The following UNC13A variants were observed in gnomAD, a reference collection of about 807,000 sequenced individuals.
UNC13A encodes the protein protein unc-13 homolog A.
In UNC13A, 61 loss-of-function variants were observed where a neutral mutation model predicts 219.7. That is an observed-to-expected ratio of 0.28 (90% CI 0.23 to 0.34). The LOEUF (loss-of-function observed/expected upper bound fraction) is 0.34. Ranked by LOEUF, UNC13A falls within the 10% of genes least tolerant of loss-of-function variation. The pLI is 1.00. For missense variants in UNC13A, 1,476 were observed against 2,270.3 expected, an observed-to-expected ratio of 0.65 and a Z score of 7.11; for synonymous variants, 920 against 884.6, an observed-to-expected ratio of 1.04 and a Z score of -0.71.
In UNC13A at chr19:17,602,877, T is replaced by C. The variant is rs1421807023; in HGVS notation, c.*3177A>G. 6.6e-6 allele frequency: 1 copy of C among 152,294 alleles called. No homozygotes were observed. Among genetic ancestry groups the C allele is most frequent in the African/African-American group, 2.4e-5 (1 of 41,440 alleles). The allele number at this position is 152,294 out of a possible 1,614,324, so 9.4% of individuals were successfully genotyped here. A position where few individuals can be genotyped will look rare whatever the true frequency, so the allele number is the denominator to read the frequency against. ...GCGTAGACTCCCTGTCACCCACTTG[T>C]GCCCAGCCTGTGCTAGGTAAAGTTG... On this transcript the variant is annotated 3_prime_UTR_variant, in exon 44 of 44. Transcript: ENST00000519716.
chr19:17,630,391 C>T (rs1349691227), intron 29 of UNC13A, 103 bp from the exon 30 acceptor site: 21 of 1,499,902 alleles, frequency 1.4e-5, no homozygotes, highest in Non-Finnish European at 1.8e-5. Flanking sequence ...GACCAATTTC[C>T]CCGGGGTGAG....
chr19:17,617,781 G>T lies in UNC13A; in HGVS notation c.4479C>A (p.Ser1493=), dbSNP rs1244727671. The T allele has an allele frequency of 2.5e-6, 4 of 1,613,306 alleles. No homozygotes were observed. In the East Asian group the frequency reaches 8.9e-5, roughly 36 times the overall value. Residue 1493 remains serine, a synonymous_variant, in exon 41 of 44, where the codon TCC becomes TCA. Coordinates refer to ENST00000519716, the MANE Select transcript of UNC13A (RefSeq NM_001080421.3). ...TFLEKSPDLQ[S]LRYALSLYTQ... ...TGTAGAGCGACAGGGCATAGCGCAAGGATTGCAGGTCCGGGCTCTTCTCCA... is the reference window on the plus strand; with the variant it reads ...TGTAGAGCGACAGGGCATAGCGCAATGATTGCAGGTCCGGGCTCTTCTCCA...
chr19:17,633,774 C>T (rs2076882709), intron 26 of UNC13A, among the ~76,000 whole-genome samples: 1 of 151,724 alleles, frequency 6.6e-6, no homozygotes, highest in Non-Finnish European at 1.5e-5. Context: ...CTCATTCATC[C>T]AACTATTCAT....
chr19:17,616,499 T>A (rs1335677706), intron 41 of UNC13A: 2 of 269,568 alleles, frequency 7.4e-6, no homozygotes, highest in South Asian at 3.1e-5. Context: ...GGGAGAGAGG[T>A]GGGAAGCATG....
intron 4 of UNC13A, among the ~76,000 whole-genome samples, 172 bp downstream of exon 4, chr19:17,672,206 A>G (rs929010489): frequency 6.6e-6 from 1 of 152,220 alleles, no homozygotes; most frequent in African/African-American, 2.4e-5. Context: ...AGGCAGAGCA[A>G]GATGGAAGGT....
In UNC13A at chr19:17,611,755, C is replaced by T. The variant is rs2076606265; in HGVS notation, c.4651+8G>A. ...CCTAGCAAGTCCCTCCCACCTCAGA[C>T]CACTCACCTTTCACTGTGACCTTGT... is the stretch of plus-strand genomic sequence containing the variant. On this transcript the variant is annotated splice_region_variant and intron_variant, in intron 42 of 43. Transcript: ENST00000519716. 1 of 1,613,594 alleles carries T rather than the reference C, an allele frequency of 6.2e-7. No homozygotes were observed.
intron 8 of UNC13A, among the ~76,000 whole-genome samples, chr19:17,660,708 T>G (rs1206908650): frequency 6.6e-6 from 1 of 151,776 alleles, no homozygotes; most frequent in African/African-American, 2.4e-5. Context: ...ATTTTTGTAT[T>G]TTTAGTAGAG....
At chr19:17,607,630 C>G (rs1461724885) in intron 43 of UNC13A, among the ~76,000 whole-genome samples, 1 of 152,044 alleles carries the variant, frequency 6.6e-6, no homozygotes, top group Non-Finnish European at 1.5e-5. Context: ...GTCACCCAGG[C>G]TGGAGTGCAG....
chr19:17,646,414 C>T (rs1029565584), intron 17 of UNC13A, among the ~76,000 whole-genome samples: 1 of 152,030 alleles, frequency 6.6e-6, no homozygotes, highest in African/African-American at 2.4e-5. Context: ...CCACCCCATC[C>T]GGCCAATCGT....
intron 8 of UNC13A, among the ~76,000 whole-genome samples, chr19:17,659,581 A>C (rs1254897492): frequency 6.6e-6 from 1 of 152,172 alleles, no homozygotes; most frequent in Non-Finnish European, 1.5e-5. Flanking sequence ...CAGCCTGGGC[A>C]ACATAGTAAG....
intron 8 of UNC13A, among the ~76,000 whole-genome samples, chr19:17,659,412 C>G (rs1340900486): frequency 1.3e-5 from 2 of 151,874 alleles, no homozygotes; most frequent in Non-Finnish European, 2.9e-5. Context: ...CTCTGCACTC[C>G]AGGGGCTGGG....
At chr19:17,679,944 G>C (rs1280146335) in intron 1 of UNC13A, among the ~76,000 whole-genome samples, 1 of 152,056 alleles carries the variant, frequency 6.6e-6, no homozygotes, top group Non-Finnish European at 1.5e-5. Context: ...TGTACCCTCT[G>C]ATAGCTGAAG....
Position 17,649,011 on chromosome 19 carries a change from G to T in UNC13A, c.1525-28C>A, listed in dbSNP as rs1314666169. 6.4e-7 allele frequency: 1 copy of T among 1,574,254 alleles called. No individual in the cohort carries two copies. Among genetic ancestry groups the T allele is most frequent in the Admixed American group, 1.9e-5 (1 of 52,144 alleles). On this transcript the variant is annotated intron_variant, in intron 14 of 43. Coordinates refer to ENST00000519716, the MANE Select transcript of UNC13A (RefSeq NM_001080421.3). The surrounding 1 kb of genome is among the most constrained non-coding windows in gnomAD (Gnocchi z 4.4). ...GGGGAGGTCACAGAAGAGGGAGTCG[G>T]GGGGGTTGACATCCATGAGATCACC... is the stretch of plus-strand genomic sequence containing the variant.
chr19:17,666,879 C>CGAGAG, intron 6 of UNC13A, among the ~76,000 whole-genome samples, 175 bp from the exon 7 acceptor site: 1 of 116,290 alleles, frequency 8.6e-6, no homozygotes, highest in African/African-American at 3.2e-5. Flanking sequence ...CACACACACA[C>CGAGAG]ACGAGAGAGA....
At chr19:17,639,252 C>G in intron 24 of UNC13A, 35 bp from the exon 25 acceptor site, 1 of 1,612,160 alleles carries the variant, frequency 6.2e-7, no homozygotes, top group East Asian at 2.2e-5. Context: ...GCGGCCACAG[C>G]TGTGACAGGA....
intron 41 of UNC13A, among the ~76,000 whole-genome samples, chr19:17,614,909 A>C (rs1398860016): frequency 6.6e-6 from 1 of 152,122 alleles, no homozygotes; most frequent in Non-Finnish European, 1.5e-5. Flanking sequence ...GGAATTGGAC[A>C]GTGGTGGGTC....
intron 2 of UNC13A, 58 bp downstream of exon 2, chr19:17,675,954 C>G: frequency 6.5e-7 from 1 of 1,541,386 alleles, no homozygotes; most frequent in Non-Finnish European, 8.8e-7. Flanking sequence ...CCAGTCTCTC[C>G]AAGAGACAGA....
chr19:17,636,973 A>C (rs867231173), intron 25 of UNC13A, among the ~76,000 whole-genome samples: 2 of 142,332 alleles, frequency 1.4e-5, no homozygotes, highest in Non-Finnish European at 3.1e-5. Context: ...TCTTCTCTCT[A>C]TTTTTTTTTT....
chr19:17,680,869 CTT>C (rs71162171), intron 1 of UNC13A, among the ~76,000 whole-genome samples: 3 of 106,434 alleles, frequency 2.8e-5, no homozygotes, highest in African/African-American at 7.7e-5. Context: ...TCTTCTTCTT[CTT>C]TTTTTTTCTT....
Sources: gnomAD v4.1 joint callset for allele counts (sites outside exome capture counted in the v4.1 genomes callset) on GRCh38, gnomAD v4.1.1 for gene constraint, Gnocchi (gnomAD v3.1) non-coding constraint, MANE v1.5 for transcripts, NCBI Gene and HGNC (gene_info 2026-07-23, HGNC 2026-07-21) for gene names.